Variants in CLCA4 observed in about 807,000 individuals in gnomAD.
The protein encoded by CLCA4 is calcium-activated chloride channel regulator 4.
In CLCA4, 69 loss-of-function variants were observed where a neutral mutation model predicts 78.9. That is an observed-to-expected ratio of 0.87 (90% CI 0.72 to 1.07). The LOEUF (loss-of-function observed/expected upper bound fraction) is 1.07. CLCA4 is among the 50% of genes least tolerant of loss of function. The pLI is 0.00. For synonymous variants in CLCA4, 362 were observed against 375.8 expected (o/e 0.96, Z 0.42); for missense variants, 1,133 against 1,095.8 (o/e 1.03, Z -0.48).
chr1:86,556,889 T>C (rs1649865205), intron 1 of CLCA4, among the ~76,000 whole-genome samples: 2 of 152,184 alleles, frequency 1.3e-5, no homozygotes, highest in Admixed American at 1.3e-4. Flanking sequence ...TATTGGTCTG[T>C]TCAGGGAATC....
chr1:86,579,513 T>C lies in CLCA4; in HGVS notation c.2282T>C (p.Leu761Pro), dbSNP rs761172120. 2.5e-6 allele frequency: 4 copies of C among 1,613,234 alleles called. No homozygotes were observed. Among genetic ancestry groups the C allele is most frequent in the Non-Finnish European group, 3.4e-6 (4 of 1,179,456 alleles). ...TACCCACCAAGTCAAATCACAGACC[T>C]TGATGCCACAGTTCATGAGGATAAG... ...DQYPPSQITD[L>P]DATVHEDKII... Residue 761 changes from leucine to proline, a missense_variant, in exon 13 of 14, where the codon CTT (leucine) becomes CCT (proline). Coordinates refer to ENST00000370563, the MANE Select transcript of CLCA4 (RefSeq NM_012128.4).
intron 1 of CLCA4, among the ~76,000 whole-genome samples, chr1:86,548,684 GAAAAAAAAA>G (rs10615856): frequency 1.1e-5 from 1 of 94,150 alleles, no homozygotes; most frequent in African/African-American, 4.0e-5. Context: ...TCCCTCTCTG[GAAAAAAAAA>G]AAAAAAAAAA....
At position 86,580,167 on chromosome 1, in the gene CLCA4, C is replaced by A. The variant is rs986487365; in HGVS notation, c.2582C>A (p.Ala861Glu). The change falls in exon 14 of 14, where the codon GCA (alanine) becomes GAA (glutamate). Residue 861 changes from alanine to glutamate, a missense_variant. Coordinates refer to ENST00000370563, the MANE Select transcript of CLCA4 (RefSeq NM_012128.4). Reference sequence around the variant, plus strand: ...TTGACATCAAAAGTATCCAACATTGCACAAGTAACTTTGTTTATCCCTCAA... The same window carrying A: ...TTGACATCAAAAGTATCCAACATTGAACAAGTAACTTTGTTTATCCCTCAA... ...SNLTSKVSNI[A>E]QVTLFIPQAN... 1.9e-6 allele frequency: 3 copies of A among 1,612,698 alleles called. No individual in the cohort carries two copies. In the African/African-American group the frequency reaches 4.0e-5, roughly 22 times the overall value.
At chr1:86,567,297 C>T in intron 6 of CLCA4, 127 bp from the exon 7 acceptor site, 3 of 810,406 alleles carry the variant, frequency 3.7e-6, no homozygotes, top group South Asian at 1.9e-5. Flanking sequence ...ATAATTGCTT[C>T]CTTTAACAAC....
chr1:86,580,608 T>C lies in CLCA4; in HGVS notation c.*263T>C. The C allele has an allele frequency of 3.4e-6, 1 of 295,836 alleles. No homozygotes were observed. The highest frequency in any genetic ancestry group is 6.2e-6 in the Non-Finnish European group (1 of 162,332). 18.3% of individuals were successfully genotyped at this position (295,836 alleles called of 1,614,324 possible). On this transcript the variant is annotated 3_prime_UTR_variant, in exon 14 of 14. Transcript: ENST00000370563. ...AAGAAATAGTGATGAACAAAGATCC[T>C]TTTTCATACTGATACCTGGTTGTAT... is the stretch of plus-strand genomic sequence containing the variant.
rs1650230010 is a variant in CLCA4, at chr1:86,567,424, G to A, written c.955G>A (p.Gly319Ser). The A allele has an allele frequency of 3.1e-6, 5 of 1,605,936 alleles. No homozygotes were observed. The highest frequency in any genetic ancestry group is 2.2e-5 in the East Asian group (1 of 44,648). Residue 319 changes from glycine (G) to serine (S), a missense_variant and splice_region_variant, in exon 7 of 14, where the codon GGT (glycine) becomes AGT (serine). By Grantham distance (56) the Gly-to-Ser change is moderately conservative. Coordinates refer to ENST00000370563, the MANE Select transcript of CLCA4 (RefSeq NM_012128.4). ...LVLDKSGSMGGKDRLNRMNQA... is the reference protein window; with the variant it reads ...LVLDKSGSMGSKDRLNRMNQA... ...TGTTTTTCTTGTCTTTTTAATCTAG[G>A]GTAAGGACCGCCTAAATCGAATGAA...
Position 86,579,995 on chromosome 1 carries a change from T to A in CLCA4, c.2410T>A (p.Phe804Ile). The A allele has an allele frequency of 1.2e-6, 2 of 1,607,806 alleles. No homozygotes were observed. The highest frequency in any genetic ancestry group is 1.7e-6 in the Non-Finnish European group (2 of 1,176,018). ...SASILDLRDS[F>I]DDALQVNTTD... is the part of the protein sequence containing the mutation. ...AAGTATTCTTGATCTAAGAGACAGT[T>A]TTGATGATGCTCTTCAAGTAAATAC... is the stretch of plus-strand genomic sequence containing the variant. Residue 804 changes from phenylalanine to isoleucine, a missense_variant, in exon 14 of 14, where the codon TTT (phenylalanine) becomes ATT (isoleucine). Transcript: ENST00000370563.
At chr1:86,549,221 T>C (rs1649587516) in intron 1 of CLCA4, among the ~76,000 whole-genome samples, 1 of 152,112 alleles carries the variant, frequency 6.6e-6, no homozygotes, top group African/African-American at 2.4e-5. Context: ...TCACTGATGA[T>C]GTGTCAGCAC....
rs1558203933 is a variant in CLCA4, at chr1:86,580,217, ACAC to A, written c.2634_2636del (p.Pro879del). 2.3e-5 allele frequency: 3 copies of A among 131,376 alleles called. No homozygotes were observed. The allele number at this position is 131,376 out of a possible 1,614,324, so 8.1% of individuals were successfully genotyped here. A position where few individuals can be genotyped will look rare whatever the true frequency, so the allele number is the denominator to read the frequency against. ...AGCAAATCCTGATGACATTGATCCT[ACAC>A]CTACTCCTACTCCTACTCCTACTCC... On this transcript the variant is annotated inframe_deletion, in exon 14 of 14. Coordinates refer to ENST00000370563, the MANE Select transcript of CLCA4 (RefSeq NM_012128.4).
intron 1 of CLCA4, among the ~76,000 whole-genome samples, chr1:86,549,053 C>G (rs779593514): frequency 2.0e-4 from 30 of 151,976 alleles, no homozygotes; most frequent in Non-Finnish European, 3.4e-4. Context: ...ATCTTCTTTT[C>G]AGAGATATAG....
At chr1:86,548,243 T>C (rs906610232) in intron 1 of CLCA4, among the ~76,000 whole-genome samples, 1 of 152,224 alleles carries the variant, frequency 6.6e-6, no homozygotes, top group Non-Finnish European at 1.5e-5. Flanking sequence ...GTTTGTCTTC[T>C]TTTGAGAAAT....
chr1:86,554,516 C>T (rs190027706), intron 1 of CLCA4, among the ~76,000 whole-genome samples: 54 of 152,234 alleles, frequency 3.5e-4, no homozygotes, highest in African/African-American at 5.3e-4. Flanking sequence ...CTGCCCACCG[C>T]GGCCTCCCAA....
chr1:86,551,053 A>T (rs539185335), intron 1 of CLCA4, among the ~76,000 whole-genome samples: 2 of 151,668 alleles, frequency 1.3e-5, no homozygotes, highest in Non-Finnish European at 2.9e-5. Context: ...GGATGGTCTC[A>T]ATCTCCTGAC....
chr1:86,561,016 G>C (rs965764812), intron 3 of CLCA4, among the ~76,000 whole-genome samples: 1 of 152,194 alleles, frequency 6.6e-6, no homozygotes, highest in Admixed American at 6.5e-5. Context: ...ACTATTAAAT[G>C]GGAACCTTGC....
chr1:86,562,210 G>C (rs1650046407), intron 3 of CLCA4, among the ~76,000 whole-genome samples: 1 of 152,216 alleles, frequency 6.6e-6, no homozygotes, highest in South Asian at 2.1e-4. Context: ...CTGCTTTTAA[G>C]GTGGGCATGG....
intron 1 of CLCA4, among the ~76,000 whole-genome samples, chr1:86,549,234 A>T (rs1649587853): frequency 6.6e-6 from 1 of 152,152 alleles, no homozygotes; most frequent in Non-Finnish European, 1.5e-5. Context: ...GTCAGCACAG[A>T]CCTGAGATGA....
At chr1:86,563,559 G>T in intron 3 of CLCA4, 102 bp from the exon 4 acceptor site, 1 of 544,140 alleles carries the variant, frequency 1.8e-6, no homozygotes, top group Non-Finnish European at 3.1e-6. Context: ...GTTGAAAACC[G>T]AAATCTAAAT....
chr1:86,575,703 AG>A, intron 11 of CLCA4, 104 bp downstream of exon 11: 2 of 1,034,612 alleles, frequency 1.9e-6, no homozygotes. Context: ...GAATTGATGC[AG>A]ATTAAGGAGG....
chr1:86,580,408 G>GGGAGAGGAGCCAAGA lies in CLCA4; in HGVS notation c.*63_*64insGGAGAGGAGCCAAGA. On this transcript the variant is annotated 3_prime_UTR_variant, in exon 14 of 14. Transcript: ENST00000370563. ...AGAGAGTTTTAAAAAACAAAACAAT[G>GGGAGAGGAGCCAAGA]TAAGTAAAGGATATTTCTGAATCTT... 16 of 1,239,354 alleles carry GGGAGAGGAGCCAAGA rather than the reference G, an allele frequency of 1.3e-5. No homozygotes were observed. Among genetic ancestry groups the GGGAGAGGAGCCAAGA allele is most frequent in the Admixed American group, 2.8e-5 (1 of 35,314 alleles). 76.8% of individuals were successfully genotyped at this position (1,239,354 alleles called of 1,614,324 possible).
Sources: gnomAD v4.1 joint callset for allele counts (sites outside exome capture counted in the v4.1 genomes callset) on GRCh38, gnomAD v4.1.1 for gene constraint, MANE v1.5 for transcripts, NCBI Gene and HGNC (gene_info 2026-07-23, HGNC 2026-07-21) for gene names.